Variants in LCOR observed in about 807,000 individuals in gnomAD.
The protein encoded by LCOR is ligand-dependent corepressor.
A neutral mutation model predicts 64.4 loss-of-function variants in LCOR; 14 were observed. That is an observed-to-expected ratio of 0.22 (90% CI 0.14 to 0.34). LCOR has a LOEUF of 0.34. Among genes scored for constraint, LCOR ranks in the 10% least tolerant of loss-of-function variants. The pLI is 1.00. For missense variants in LCOR, 1,686 were observed against 1,765.3 expected, an observed-to-expected ratio of 0.96 and a Z score of 0.80; for synonymous variants, 643 against 642.5, an observed-to-expected ratio of 1.00 and a Z score of -0.01.
intron 4 of LCOR, among the ~76,000 whole-genome samples, chr10:96,927,005 A>G (rs1315599540): frequency 6.6e-6 from 1 of 151,956 alleles, no homozygotes; most frequent in Admixed American, 6.6e-5. Flanking sequence ...TTTTGTGGAC[A>G]TATTGTTTGA....
chr10:96,957,644 G>A, intron 7 of LCOR: 1 of 985,378 alleles, frequency 1.0e-6, no homozygotes, highest in Non-Finnish European at 1.2e-6. Context: ...CAGTTTGAGG[G>A]GAGGTCCAGA....
intron 4 of LCOR, among the ~76,000 whole-genome samples, chr10:96,927,981 G>T (rs777123813): frequency 2.4e-4 from 37 of 152,142 alleles, no homozygotes; most frequent in Non-Finnish European, 4.9e-4. Flanking sequence ...CCTAAGAAAT[G>T]CTTTGTTGTT....
intron 4 of LCOR, among the ~76,000 whole-genome samples, chr10:96,933,690 T>G (rs1018177663): frequency 1.3e-5 from 2 of 152,146 alleles, no homozygotes; most frequent in African/African-American, 4.8e-5. Context: ...TGCCTAATTT[T>G]TGTATTTTTA....
intron 2 of LCOR, among the ~76,000 whole-genome samples, chr10:96,883,719 G>A (rs922257737): frequency 1.3e-5 from 2 of 152,150 alleles, no homozygotes; most frequent in Non-Finnish European, 2.9e-5. Flanking sequence ...TAAGAATCTT[G>A]TGTATATTTT....
At chr10:96,930,939 G>T (rs1847249091) in intron 4 of LCOR, among the ~76,000 whole-genome samples, 1 of 152,068 alleles carries the variant, frequency 6.6e-6, no homozygotes, top group Non-Finnish European at 1.5e-5. Flanking sequence ...ATTTATAAAT[G>T]ACTTACTCTC....
intron 2 of LCOR, among the ~76,000 whole-genome samples, chr10:96,894,491 G>A (rs1327464905): frequency 6.7e-6 from 1 of 150,320 alleles, no homozygotes; most frequent in African/African-American, 2.5e-5. Flanking sequence ...TGTTGAAAAG[G>A]TTCACTTTTG....
chr10:96,953,748 T>C (rs1847720373), intron 7 of LCOR, among the ~76,000 whole-genome samples: 1 of 152,234 alleles, frequency 6.6e-6, no homozygotes, highest in African/African-American at 2.4e-5. Context: ...GGTTTTGTTT[T>C]ATGGAAGAAA....
intron 4 of LCOR, among the ~76,000 whole-genome samples, chr10:96,914,871 A>G (rs1053251413): frequency 1.3e-5 from 2 of 152,230 alleles, no homozygotes; most frequent in African/African-American, 2.4e-5. Flanking sequence ...TCAGTGCATC[A>G]CTGGGAAGTC....
At chr10:96,964,299 AT>A (rs1200064654) in intron 7 of LCOR, 1 of 147,404 alleles carries the variant, frequency 6.8e-6, no homozygotes, top group Non-Finnish European at 1.5e-5. Flanking sequence ...CATGTGTAAG[AT>A]TTAATGGTTC....
intron 2 of LCOR, among the ~76,000 whole-genome samples, chr10:96,837,115 C>G (rs571846404): frequency 1.3e-5 from 2 of 152,072 alleles, no homozygotes; most frequent in Non-Finnish European, 2.9e-5. Flanking sequence ...CCTCAGCCTC[C>G]GAGTAGCTGG....
At chr10:96,916,902 A>G (rs1846961533) in intron 4 of LCOR, among the ~76,000 whole-genome samples, 1 of 152,256 alleles carries the variant, frequency 6.6e-6, no homozygotes, top group African/African-American at 2.4e-5. Context: ...GGCGTGAGCC[A>G]CTGTGCCCAG....
chr10:96,889,660 A>G (rs983072349), intron 2 of LCOR, among the ~76,000 whole-genome samples: 4 of 152,186 alleles, frequency 2.6e-5, no homozygotes, highest in Admixed American at 2.0e-4. Flanking sequence ...TCATCTCCAA[A>G]TACAGCCACA....
intron 4 of LCOR, among the ~76,000 whole-genome samples, chr10:96,909,630 C>G (rs1176116611): frequency 6.6e-6 from 1 of 152,218 alleles, no homozygotes; most frequent in Non-Finnish European, 1.5e-5. Context: ...TGGCAAGTTG[C>G]TTTAAAATTT....
At chr10:96,851,999 C>T (rs1845728641) in intron 2 of LCOR, among the ~76,000 whole-genome samples, 1 of 152,168 alleles carries the variant, frequency 6.6e-6, no homozygotes, top group African/African-American at 2.4e-5. Context: ...AGGAATGATG[C>T]TAATGCCACA....
chr10:96,843,519 G>A (rs561440669), intron 2 of LCOR, among the ~76,000 whole-genome samples: 3 of 151,816 alleles, frequency 2.0e-5, no homozygotes, highest in Admixed American at 6.5e-5. Flanking sequence ...CCTTTTTTTC[G>A]ATTCAGTATT....
chr10:96,917,796 C>T (rs1418965254), intron 4 of LCOR, among the ~76,000 whole-genome samples: 1 of 152,042 alleles, frequency 6.6e-6, no homozygotes, highest in African/African-American at 2.4e-5. Flanking sequence ...TTAGTGATTA[C>T]GTAAATATAT....
At chr10:96,942,073 TG>T (rs1302452352) in intron 4 of LCOR, among the ~76,000 whole-genome samples, 1 of 136,016 alleles carries the variant, frequency 7.4e-6, no homozygotes, top group Admixed American at 7.4e-5. Flanking sequence ...CTCGGCACTT[TG>T]GGGGGCCAAG....
intron 7 of LCOR, chr10:96,961,958 C>T (rs1387651714): frequency 2.0e-5 from 3 of 151,458 alleles, no homozygotes; most frequent in African/African-American, 7.3e-5. Context: ...TAAGAAAGCG[C>T]TTGTCCAAAA....
At chr10:96,878,364 C>T (rs1564612944) in intron 2 of LCOR, among the ~76,000 whole-genome samples, 1 of 151,992 alleles carries the variant, frequency 6.6e-6, no homozygotes, top group Non-Finnish European at 1.5e-5. Flanking sequence ...GTTGCTCGTA[C>T]CAGATACTAG....
Sources: allele counts gnomAD v4.1 joint callset (sites outside exome capture counted in the v4.1 genomes callset), GRCh38; gene constraint gnomAD v4.1.1; transcripts MANE v1.5; gene names NCBI Gene and HGNC (gene_info 2026-07-23, HGNC 2026-07-21).